Variants in OTOP1 observed in about 807,000 individuals in gnomAD.
The protein encoded by OTOP1 is otopetrin 1, also known as proton channel OTOP1.
In OTOP1, 59 loss-of-function variants were observed where a neutral mutation model predicts 52.9. The ratio of observed to expected loss-of-function variants is 1.12; its 90% CI spans 0.91 to 1.39. The LOEUF is 1.39. Ranked by LOEUF, OTOP1 falls within the 40% of genes most tolerant of loss-of-function variation. OTOP1 has a pLI of 0.00. For synonymous variants in OTOP1, 317 were observed against 337.7 expected (o/e 0.94, Z 0.67); for missense variants, 761 against 800.9 (o/e 0.95, Z 0.60).
intron 1 of OTOP1, among the ~76,000 whole-genome samples, chr4:4,222,384 C>T (rs930349686): frequency 6.6e-6 from 1 of 152,032 alleles, no homozygotes; most frequent in Non-Finnish European, 1.5e-5. Context: ...ACCCTGTGAC[C>T]TCCGCATCCT....
At chr4:4,218,878 A>G (rs11938444) in intron 1 of OTOP1, among the ~76,000 whole-genome samples, 73,766 of 151,742 alleles carry the variant, frequency 0.49, 19,851 homozygotes, top group Non-Finnish European at 0.62. Flanking sequence ...GCAGTGAGCC[A>G]AGATCATGCC....
At chr4:4,209,218 G>A (rs1716973132) in intron 2 of OTOP1, among the ~76,000 whole-genome samples, 1 of 152,158 alleles carries the variant, frequency 6.6e-6, no homozygotes, top group Non-Finnish European at 1.5e-5. Flanking sequence ...TTTTGCCTGG[G>A]TCTGACAAAA....
In OTOP1 at chr4:4,199,233, T is replaced by TGTGAGAGAGA. The variant is rs1212354837; in HGVS notation, c.731-1131_731-1130insTCTCTCTCAC. On this transcript the variant is annotated intron_variant, in intron 4 of 5. Coordinates refer to ENST00000296358, the MANE Select transcript of OTOP1 (RefSeq NM_177998.3). ...ACTCAGGTAAAATTGTGTGTGTGTG[T>TGTGAGAGAGA]GAGAGAGAGAGAGAGAGAGAGAGAG... Among the ~76,000 whole-genome samples the TGTGAGAGAGA allele has an allele frequency of 7.3e-4, 72 of 98,566 alleles. 2 individuals are homozygous for TGTGAGAGAGA. The highest frequency in any genetic ancestry group is 2.6e-3 in the African/African-American group (59 of 22,634). 64.7% of individuals were successfully genotyped at this position (98,566 alleles called of 152,430 possible). A position where few individuals can be genotyped will look rare whatever the true frequency, so the allele number is the denominator to read the frequency against.
chr4:4,210,098 CCTAA>C (rs746027793), intron 2 of OTOP1, among the ~76,000 whole-genome samples: 39 of 152,200 alleles, frequency 2.6e-4, no homozygotes, highest in Non-Finnish European at 4.8e-4. Context: ...CTGTCTCTCA[CCTAA>C]CTGACACCCC....
rs762683084 is a variant in OTOP1, at chr4:4,226,743, G to A, written c.122C>T (p.Ser41Phe). The A allele has an allele frequency of 1.0e-4, 142 of 1,395,696 alleles. No individual in the cohort carries two copies. Among genetic ancestry groups the A allele is most frequent in the Non-Finnish European group, 1.3e-4 (137 of 1,074,194 alleles). 86.5% of individuals were successfully genotyped at this position (1,395,696 alleles called of 1,614,324 possible). A position where few individuals can be genotyped will look rare whatever the true frequency, so the allele number is the denominator to read the frequency against. Residue 41 changes from serine to phenylalanine, a missense_variant, in exon 1 of 6, where the codon TCC becomes TTC. Transcript: ENST00000296358. ...PSSSAPRSPE[S>F]PAPRRGGVRA... ...CACACCGCCCCGCCGGGGGGCCGGG[G>A]ATTCCGGGGACCTCGGGGCCGAGGA...
intron 2 of OTOP1, among the ~76,000 whole-genome samples, chr4:4,209,058 T>C (rs1716970849): frequency 6.6e-6 from 1 of 152,230 alleles, no homozygotes; most frequent in South Asian, 2.1e-4. Context: ...GCATCTTACC[T>C]GCTTTACTGC....
intron 1 of OTOP1, among the ~76,000 whole-genome samples, chr4:4,218,757 G>C (rs1354528526): frequency 6.6e-6 from 1 of 152,034 alleles, no homozygotes; most frequent in Non-Finnish European, 1.5e-5. Context: ...GTGAAACCCC[G>C]TCTCTACCAA....
At chr4:4,202,705 T>C (rs1716816545) in intron 3 of OTOP1, 127 bp from the exon 4 acceptor site, 5 of 1,266,278 alleles carry the variant, frequency 3.9e-6, no homozygotes, top group South Asian at 1.4e-5. Context: ...CACCTGGCAG[T>C]TCAGGCTCTG....
chr4:4,197,077 A>G, intron 5 of OTOP1, 89 bp downstream of exon 5: 2 of 1,342,492 alleles, frequency 1.5e-6, no homozygotes, highest in African/African-American at 1.5e-5. Flanking sequence ...CAATTTACCC[A>G]TTTAACAAAT....
In OTOP1 at chr4:4,195,075, G is replaced by C. The variant is rs142714499; in HGVS notation, c.1668+2091C>G. Among the ~76,000 whole-genome samples, 739 of 152,154 alleles carry C rather than the reference G, an allele frequency of 4.9e-3. 4 individuals carry two copies. Among genetic ancestry groups the C allele is most frequent in the African/African-American group, 0.017 (702 of 41,500 alleles). On this transcript the variant is annotated intron_variant, in intron 5 of 5. Coordinates refer to ENST00000296358, the MANE Select transcript of OTOP1 (RefSeq NM_177998.3). The stretch of plus-strand genomic sequence containing the variant: ...GAGGATCATTCCAAAACACAAATCT[G>C]AGAGAGTCCTCCCTTGCCCTCAACA...
At chr4:4,226,371 G>C in intron 1 of OTOP1, 91 bp downstream of exon 1, 1 of 1,242,552 alleles carries the variant, frequency 8.0e-7, no homozygotes, top group Non-Finnish European at 1.0e-6. Flanking sequence ...CTGAAGGGAA[G>C]ACGGCAGCGG....
intron 2 of OTOP1, among the ~76,000 whole-genome samples, chr4:4,209,207 A>T (rs1411525535): frequency 6.6e-6 from 1 of 152,140 alleles, no homozygotes; most frequent in Non-Finnish European, 1.5e-5. Flanking sequence ...TCCCAGGCCT[A>T]TTTTGCCTGG....
Position 4,209,835 on chromosome 4 carries a change from C to T in OTOP1, c.540+3033G>A, listed in dbSNP as rs1390212412. Among the ~76,000 whole-genome samples the T allele has an allele frequency of 5.9e-5, 9 of 152,284 alleles. No homozygotes were observed. The South Asian group carries it at 6.2e-4, about 11-fold the overall frequency. ...AGCCGTACACCAAACAGGGATCCAG[C>T]CTGTGCCCACACATCGCCCCCCTAC... On this transcript the variant is annotated intron_variant, in intron 2 of 5. Transcript: ENST00000296358.
At chr4:4,206,258 C>T (rs1577179826) in intron 2 of OTOP1, 128 bp from the exon 3 acceptor site, 2 of 690,604 alleles carry the variant, frequency 2.9e-6, no homozygotes, top group African/African-American at 3.6e-5. Context: ...ACCTCCTACT[C>T]CATCTTAGGT....
rs749106233 is a variant in OTOP1 at position 4,226,457 on chromosome 4, C to T, written c.403+5G>A. The T allele has an allele frequency of 1.0e-5, 15 of 1,476,162 alleles. No homozygotes were observed. Among genetic ancestry groups the T allele is most frequent in the Middle Eastern group, 2.3e-4 (1 of 4,322 alleles). The allele number at this position is 1,476,162 out of a possible 1,614,324, so 91.4% of individuals were successfully genotyped here. On this transcript the variant is annotated splice_donor_5th_base_variant and intron_variant, in intron 1 of 5. Coordinates refer to ENST00000296358, the MANE Select transcript of OTOP1 (RefSeq NM_177998.3). ...GAGACCCGCTCGCCCGGCGCCTGGA[C>T]TCACCGCGCAGCCAGCCGGCACCCG...
At chr4:4,218,883 C>A (rs1244688008) in intron 1 of OTOP1, among the ~76,000 whole-genome samples, 13 of 151,382 alleles carry the variant, frequency 8.6e-5, no homozygotes. Flanking sequence ...GAGCCAAGAT[C>A]ATGCCACTGC....
intron 5 of OTOP1, among the ~76,000 whole-genome samples, chr4:4,196,589 G>A (rs1716632019): frequency 6.6e-6 from 1 of 152,086 alleles, no homozygotes; most frequent in Admixed American, 6.5e-5. Flanking sequence ...TTAGCCAGGT[G>A]TGGTGGCACA....
chr4:4,214,005 C>T (rs942677376), intron 1 of OTOP1, among the ~76,000 whole-genome samples: 2 of 151,970 alleles, frequency 1.3e-5, no homozygotes, highest in African/African-American at 4.8e-5. Context: ...CAGGAGAATC[C>T]CTTGAACCAG....
chr4:4,201,497 CACAT>C (rs1478356302), intron 4 of OTOP1, among the ~76,000 whole-genome samples: 14 of 151,316 alleles, frequency 9.3e-5, no homozygotes, highest in African/African-American at 3.4e-4. Context: ...CACACACACA[CACAT>C]ACACACACAC....
Sources: gnomAD v4.1 joint callset for allele counts (sites outside exome capture counted in the v4.1 genomes callset) on GRCh38, gnomAD v4.1.1 for gene constraint, MANE v1.5 for transcripts, NCBI Gene and HGNC (gene_info 2026-07-23, HGNC 2026-07-21) for gene names.